The following GRID1 variants were observed in gnomAD, a reference collection of about 807,000 sequenced individuals.
GRID1 encodes the protein glutamate ionotropic receptor delta type subunit 1.
GRID1 carries 28 observed loss-of-function variants against 98.0 expected under a neutral mutation model. The ratio of observed to expected loss-of-function variants is 0.29; its 90% confidence interval spans 0.21 to 0.39. The LOEUF (loss-of-function observed/expected upper bound fraction) is 0.39. Ranked by LOEUF, GRID1 falls within the 10% of genes least tolerant of loss-of-function variation. The pLI is 1.00. For missense variants in GRID1, 1,111 were observed against 1,340.5 expected, an observed-to-expected ratio of 0.83 and a Z score of 2.67; for synonymous variants, 553 against 538.5, an observed-to-expected ratio of 1.03 and a Z score of -0.37.
intron 4 of GRID1, among the ~76,000 whole-genome samples, chr10:86,074,880 T>C (rs1450446691): frequency 3.9e-5 from 6 of 152,206 alleles, no homozygotes; most frequent in South Asian, 2.1e-4. Flanking sequence ...GTATGAATGA[T>C]ACAGGGAAGG....
intron 3 of GRID1, among the ~76,000 whole-genome samples, chr10:86,140,070 T>C (rs1844989645): frequency 1.3e-5 from 2 of 152,248 alleles, no homozygotes; most frequent in African/African-American, 4.8e-5. Context: ...TCTCCCGAAC[T>C]TTCCAGTTCC....
In GRID1 at chr10:85,602,742, G is replaced by A. The variant is rs749063226; in HGVS notation, c.2602-41C>T. On this transcript the variant is annotated intron_variant, in intron 15 of 15. Coordinates refer to ENST00000327946, the MANE Select transcript of GRID1 (RefSeq NM_017551.3). ...AGGAAGGTCAGGTGGAGCCCTAACA[G>A]TGAGTCAAGGCTGGCTTGCTACAGC... 15 of 1,468,674 alleles carry A rather than the reference G, an allele frequency of 1.0e-5. No individual in the cohort carries two copies. The Admixed American group carries it at 2.6e-4, about 26-fold the overall frequency. The allele number at this position is 1,468,674 out of a possible 1,614,324, so 91.0% of individuals were successfully genotyped here.
intron 8 of GRID1, among the ~76,000 whole-genome samples, chr10:85,745,968 A>G (rs946467531): frequency 1.3e-5 from 2 of 152,230 alleles, no homozygotes; most frequent in African/African-American, 4.8e-5. Context: ...AGTTAACGAC[A>G]TGAGACATGA....
intron 2 of GRID1, among the ~76,000 whole-genome samples, chr10:86,335,614 C>T (rs1189666223): frequency 6.6e-6 from 1 of 152,190 alleles, no homozygotes; most frequent in Non-Finnish European, 1.5e-5. Context: ...TGGAAAGTGG[C>T]CATTGCTGTC....
intron 3 of GRID1, among the ~76,000 whole-genome samples, chr10:86,154,248 C>T (rs1845212016): frequency 6.6e-6 from 1 of 152,184 alleles, no homozygotes; most frequent in Admixed American, 6.5e-5. Flanking sequence ...CCATTTATGG[C>T]TTATGAAGTC....
chr10:85,731,036 C>T (rs1173369870), intron 8 of GRID1, among the ~76,000 whole-genome samples: 1 of 152,146 alleles, frequency 6.6e-6, no homozygotes, highest in African/African-American at 2.4e-5. Flanking sequence ...GTAAAGAATG[C>T]TTCTACTCTG....
At chr10:86,250,262 G>A (rs767444359) in intron 2 of GRID1, among the ~76,000 whole-genome samples, 4 of 152,168 alleles carry the variant, frequency 2.6e-5, no homozygotes, top group Non-Finnish European at 5.9e-5. Context: ...ATTCAAGGTG[G>A]CCCTAAGCAA....
At chr10:85,910,144 A>G (rs1841517357) in intron 5 of GRID1, among the ~76,000 whole-genome samples, 1 of 152,198 alleles carries the variant, frequency 6.6e-6, no homozygotes, top group African/African-American at 2.4e-5. Context: ...TGACAAACGT[A>G]ATTGTTTTCG....
Position 85,658,424 on chromosome 10 carries a change from A to G in GRID1, c.1998-11027T>C, listed in dbSNP as rs567323335. ...TTCTACCCCCCTCATTTTACAGATT[A>G]AAAAATCAAGGCTTCAGGAGATTAA... On this transcript the variant is annotated intron_variant, in intron 12 of 15. Transcript: ENST00000327946. Among the ~76,000 whole-genome samples the G allele has an allele frequency of 4.6e-5, 7 of 152,326 alleles. No individual in the cohort carries two copies. In the South Asian group the frequency reaches 1.4e-3, roughly 32 times the overall value.
At chr10:85,932,026 T>C (rs1398710112) in intron 4 of GRID1, among the ~76,000 whole-genome samples, 1 of 152,146 alleles carries the variant, frequency 6.6e-6, no homozygotes, top group African/African-American at 2.4e-5. Flanking sequence ...CTATCGAACA[T>C]GTCAATCTCT....
intron 5 of GRID1, among the ~76,000 whole-genome samples, chr10:85,875,852 T>C (rs374095821): frequency 8.1e-4 from 123 of 152,354 alleles, no homozygotes; most frequent in African/African-American, 2.8e-3. Flanking sequence ...TTTATCTATG[T>C]AACCAATATT....
At chr10:86,173,040 T>C (rs1845517880) in intron 3 of GRID1, among the ~76,000 whole-genome samples, 1 of 152,146 alleles carries the variant, frequency 6.6e-6, no homozygotes, top group South Asian at 2.1e-4. Context: ...TTTCCTGTTT[T>C]TGTTTTATTT....
At position 86,046,969 on chromosome 10, in the gene GRID1, G is replaced by A. The variant is rs553651938; in HGVS notation, c.726+91850C>T. On this transcript the variant is annotated intron_variant, in intron 4 of 15. Coordinates refer to ENST00000327946, the MANE Select transcript of GRID1 (RefSeq NM_017551.3). ...GCAGGGCAGCAAAAAGGCCACATGC[G>A]CTCCCCCAGCTCTCTCTAGTCAGGC... Among the ~76,000 whole-genome samples the A allele has an allele frequency of 1.2e-3, 185 of 152,090 alleles. 3 individuals are homozygous for A. The highest frequency in any genetic ancestry group is 8.4e-4 in the African/African-American group (35 of 41,494).
Position 86,262,325 on chromosome 10 carries a change from C to G in GRID1, c.236-55677G>C, listed in dbSNP as rs73351690. On this transcript the variant is annotated intron_variant, in intron 2 of 15. Coordinates refer to ENST00000327946, the MANE Select transcript of GRID1 (RefSeq NM_017551.3). ...CCAAGCTCTCCACTGAGATTCTGAT[C>G]CCACCCAGCCAGGGGCTTACTAGGC... is the stretch of plus-strand genomic sequence containing the variant. Among the ~76,000 whole-genome samples the G allele has an allele frequency of 9.7e-3, 1,483 of 152,316 alleles. 26 individuals are homozygous for G. The highest frequency in any genetic ancestry group is 0.034 in the African/African-American group (1,419 of 41,554).
In GRID1 at chr10:85,671,489, G is replaced by A. The variant is rs141560215; in HGVS notation, c.1998-24092C>T. Among the ~76,000 whole-genome samples, 370 of 152,218 alleles carry A rather than the reference G, an allele frequency of 2.4e-3. 2 individuals carry two copies. Among genetic ancestry groups the A allele is most frequent in the Middle Eastern group, 0.014 (4 of 294 alleles). ...CAAACTGCCCTTATAAGATGGTGAA[G>A]TTCATCAGTAAATGTTGTGTATGTT... is the stretch of plus-strand genomic sequence containing the variant. On this transcript the variant is annotated intron_variant, in intron 12 of 15. Transcript: ENST00000327946.
At chr10:85,816,265 A>T (rs1842715097) in intron 8 of GRID1, among the ~76,000 whole-genome samples, 2 of 152,356 alleles carry the variant, frequency 1.3e-5, no homozygotes, top group Admixed American at 1.3e-4. Flanking sequence ...CCAAAAAGTG[A>T]AAATAATCAA....
At chr10:86,057,171 G>GGA (rs1472968028) in intron 4 of GRID1, among the ~76,000 whole-genome samples, 1 of 152,156 alleles carries the variant, frequency 6.6e-6, no homozygotes, top group Non-Finnish European at 1.5e-5. Context: ...ATCCTGGCTT[G>GGA]GAGAGAGAGA....
chr10:85,787,340 G>A (rs535215448), intron 8 of GRID1, among the ~76,000 whole-genome samples: 17 of 152,266 alleles, frequency 1.1e-4, no homozygotes, highest in Middle Eastern at 3.4e-3. Flanking sequence ...TCTTGGCCAT[G>A]CACTCTGCTT....
intron 4 of GRID1, among the ~76,000 whole-genome samples, chr10:85,988,846 G>A (rs1218327579): frequency 6.6e-6 from 1 of 152,212 alleles, no homozygotes; most frequent in Non-Finnish European, 1.5e-5. Flanking sequence ...GAGATACACA[G>A]ACACAGAAAT....
Sources: allele counts gnomAD v4.1 joint callset (sites outside exome capture counted in the v4.1 genomes callset), GRCh38; gene constraint gnomAD v4.1.1; transcripts MANE v1.5; gene names NCBI Gene and HGNC (gene_info 2026-07-23, HGNC 2026-07-21).